The following KIF13A variants were observed in gnomAD, a reference collection of about 807,000 sequenced individuals.
KIF13A encodes kinesin family member 13A.
In KIF13A, 79 loss-of-function variants were observed where a neutral mutation model predicts 212.2. That is an observed-to-expected ratio of 0.37 (90% CI 0.31 to 0.45). KIF13A has a LOEUF of 0.45. Among genes scored for constraint, KIF13A ranks in the 20% least tolerant of loss-of-function variants. The probability of loss-of-function intolerance (pLI) is 1.00; values close to 1 mark genes in which losing one functional copy is unlikely to be tolerated. For missense variants in KIF13A, 1,901 were observed against 2,209.0 expected, an observed-to-expected ratio of 0.86 and a Z score of 2.79; for synonymous variants, 789 against 808.6, an observed-to-expected ratio of 0.98 and a Z score of 0.41.
At chr6:17,966,350 A>G (rs896510221) in intron 2 of KIF13A, among the ~76,000 whole-genome samples, 1 of 152,126 alleles carries the variant, frequency 6.6e-6, no homozygotes, top group Admixed American at 6.6e-5. Flanking sequence ...TACCCATGAG[A>G]ATACCCTAGT....
chr6:17,974,049 T>C (rs1780053093), intron 2 of KIF13A, among the ~76,000 whole-genome samples: 1 of 152,220 alleles, frequency 6.6e-6, no homozygotes, highest in African/African-American at 2.4e-5. Flanking sequence ...TAAATACATC[T>C]GTTTAGAGAG....
chr6:17,943,663 T>G (rs1777139221), intron 2 of KIF13A, among the ~76,000 whole-genome samples: 1 of 152,216 alleles, frequency 6.6e-6, no homozygotes, highest in South Asian at 2.1e-4. Context: ...TCACTTTCAC[T>G]GATTCTGTCT....
At chr6:17,869,377 G>A (rs1005343330) in intron 4 of KIF13A, among the ~76,000 whole-genome samples, 1 of 152,176 alleles carries the variant, frequency 6.6e-6, no homozygotes, top group African/African-American at 2.4e-5. Flanking sequence ...TTAAGGCAGT[G>A]CTTCCTCCTC....
intron 23 of KIF13A, among the ~76,000 whole-genome samples, chr6:17,795,596 CAAA>C (rs34962687): frequency 6.0e-5 from 8 of 132,260 alleles, no homozygotes; most frequent in Non-Finnish European, 7.9e-5. Context: ...GACTCCATCT[CAAA>C]AAAAAAAAAA....
chr6:17,779,114 AG>A lies in KIF13A; in HGVS notation c.3940-16del, dbSNP rs1760252134. 1.1e-5 allele frequency: 17 copies of A among 1,612,304 alleles called. No homozygotes were observed. The highest frequency in any genetic ancestry group is 1.4e-5 in the Non-Finnish European group (17 of 1,178,718). ...TCCTCAGTTGCCTACGAGGACAGGAAGGAAGTGACAATACTTTGATGTGAAC... is the reference window on the plus strand; with the variant it reads ...TCCTCAGTTGCCTACGAGGACAGGAAGAAGTGACAATACTTTGATGTGAAC... On this transcript the variant is annotated splice_polypyrimidine_tract_variant and intron_variant, in intron 32 of 38. Transcript: ENST00000259711.
At position 17,987,590 on chromosome 6, in the gene KIF13A, C is replaced by G. The variant is rs1290357876; in HGVS notation, c.-127G>C. The stretch of plus-strand genomic sequence containing the variant: ...GCCGCCGCCGCTCCGCCGTGAGCTC[C>G]GAGAGGCAGCGCCGAGGCGCGCGGG... On this transcript the variant is annotated 5_prime_UTR_variant, in exon 1 of 39. Transcript: ENST00000259711. This position sits in a 1 kb window ranked among gnomAD's most constrained non-coding sequence, Gnocchi z 7.7. 1.9e-5 allele frequency: 7 copies of G among 370,980 alleles called. No homozygotes were observed. Among genetic ancestry groups the G allele is most frequent in the Non-Finnish European group, 2.6e-5 (7 of 271,654 alleles). 23.0% of individuals were successfully genotyped at this position (370,980 alleles called of 1,614,324 possible). A position where few individuals can be genotyped will look rare whatever the true frequency, so the allele number is the denominator to read the frequency against.
chr6:17,925,947 T>G (rs886882215), intron 2 of KIF13A, among the ~76,000 whole-genome samples: 1 of 152,190 alleles, frequency 6.6e-6, no homozygotes, highest in Non-Finnish European at 1.5e-5. Context: ...CTACAATTAC[T>G]AAATATGTCA....
intron 3 of KIF13A, among the ~76,000 whole-genome samples, chr6:17,882,696 G>A (rs1034439558): frequency 6.6e-6 from 1 of 151,938 alleles, no homozygotes; most frequent in Non-Finnish European, 1.5e-5. Flanking sequence ...TGAGTAGCTG[G>A]GACTACAGCT....
In KIF13A at chr6:17,902,649, T is replaced by A. The variant is rs1359796335; in HGVS notation, c.147-4469A>T. On this transcript the variant is annotated intron_variant, in intron 2 of 38. Transcript: ENST00000259711. ...TTGAAGACACAGTTCAAGGCTCAGCTCTCTCAATTCCTCACCAGCCTTGAA... is the reference window on the plus strand; with the variant it reads ...TTGAAGACACAGTTCAAGGCTCAGCACTCTCAATTCCTCACCAGCCTTGAA... Among the ~76,000 whole-genome samples the A allele has an allele frequency of 7.9e-5, 12 of 152,240 alleles. No homozygotes were observed. The East Asian group carries it at 2.1e-3, about 27-fold the overall frequency.
Position 17,825,789 on chromosome 6 carries a change from T to G in KIF13A, c.1765A>C (p.Met589Leu), listed in dbSNP as rs1253178495. 1.2e-6 allele frequency: 2 copies of G among 1,613,796 alleles called. No homozygotes were observed. The highest frequency in any genetic ancestry group is 1.7e-6 in the Non-Finnish European group (2 of 1,179,836). The change falls in exon 16 of 39, where the codon ATG becomes CTG. Residue 589 changes from methionine (M) to leucine (L), a missense_variant. Met to Leu is a conservative substitution (Grantham distance 15). This residue lies in a region of KIF13A where 534 missense variants were observed against 536.9 expected (regional missense o/e 0.99). Transcript: ENST00000259711. This position sits in a 1 kb window ranked among gnomAD's most constrained non-coding sequence, Gnocchi z 4.5. ...TTACCATTACTATTCAGGGTTTTCA[T>G]GATAACTTCCATCTGTGCAAATTCA... is the stretch of plus-strand genomic sequence containing the variant. Reference protein sequence around the residue: ...NYEFAQMEVIMKTLNSNDPVQ... With the variant: ...NYEFAQMEVILKTLNSNDPVQ...
chr6:17,797,374 G>A (rs1043992544), intron 22 of KIF13A, among the ~76,000 whole-genome samples: 4 of 152,068 alleles, frequency 2.6e-5, no homozygotes, highest in African/African-American at 9.7e-5. Flanking sequence ...AAAGCAAATT[G>A]TCCAAAGTCA....
At chr6:17,793,423 AGT>A (rs1368518757) in intron 25 of KIF13A, among the ~76,000 whole-genome samples, 2 of 152,096 alleles carry the variant, frequency 1.3e-5, no homozygotes, top group African/African-American at 4.8e-5. Flanking sequence ...AGTACTGAAT[AGT>A]TCTGACTGAT....
chr6:17,893,832 C>CTTT (rs139288852), intron 3 of KIF13A, among the ~76,000 whole-genome samples: 458 of 77,324 alleles, frequency 5.9e-3, no homozygotes, highest in Non-Finnish European at 6.9e-3. Flanking sequence ...TTTCCTGCAT[C>CTTT]TTTTTTTTTT....
intron 2 of KIF13A, among the ~76,000 whole-genome samples, chr6:17,930,509 A>G (rs1165993322): frequency 6.6e-6 from 1 of 152,248 alleles, no homozygotes; most frequent in Non-Finnish European, 1.5e-5. Context: ...GAAAAACAGC[A>G]TTCAGAAGCT....
At chr6:17,793,534 C>G (rs77509584) in intron 25 of KIF13A, among the ~76,000 whole-genome samples, 2 of 151,822 alleles carry the variant, frequency 1.3e-5, no homozygotes, top group African/African-American at 4.8e-5. Context: ...CAAAAATGAT[C>G]ATAAGGACAA....
At chr6:17,874,732 T>G (rs891316015) in intron 3 of KIF13A, among the ~76,000 whole-genome samples, 3 of 152,040 alleles carry the variant, frequency 2.0e-5, no homozygotes, top group East Asian at 3.9e-4. Flanking sequence ...CAGTGTACAC[T>G]GCATCATATT....
rs1759969736 is a variant in KIF13A at position 17,776,246 on chromosome 6, T to C, written c.4170+1031A>G. On this transcript the variant is annotated intron_variant, in intron 34 of 38. Coordinates refer to ENST00000259711, the MANE Select transcript of KIF13A (RefSeq NM_022113.6). The surrounding 1 kb of genome is among the most constrained non-coding windows in gnomAD (Gnocchi z 4.6). ...TCTACTTTTTAATATAAGAGCTATA[T>C]ATTTCCTAATAGTAGCCCTCACTCT... is the stretch of plus-strand genomic sequence containing the variant. Among the ~76,000 whole-genome samples the C allele has an allele frequency of 6.6e-6, 1 of 152,180 alleles. No homozygotes were observed. The highest frequency in any genetic ancestry group is 1.5e-5 in the Non-Finnish European group (1 of 68,026).
In KIF13A at chr6:17,940,048, T is replaced by TTAAAA. The variant is rs374457757; in HGVS notation, c.147-41869_147-41868insTTTTA. On this transcript the variant is annotated intron_variant, in intron 2 of 38. Coordinates refer to ENST00000259711, the MANE Select transcript of KIF13A (RefSeq NM_022113.6). ...CAGAGCGAGACTCCGTCTCATAAATTAAAAAAAAAAAAAAAAAAGATAGTC... is the reference window on the plus strand; with the variant it reads ...CAGAGCGAGACTCCGTCTCATAAATTTAAAAAAAAAAAAAAAAAAAAAAGATAGTC... 1.2e-3 allele frequency among the ~76,000 whole-genome samples: 143 copies of TTAAAA among 121,866 alleles called. 2 individuals are homozygous for TTAAAA. Among genetic ancestry groups the TTAAAA allele is most frequent in the Non-Finnish European group, 1.6e-3 (96 of 60,658 alleles). The allele number at this position is 121,866 out of a possible 152,430, so 79.9% of individuals were successfully genotyped here.
Position 17,771,182 on chromosome 6 carries a change from T to C in KIF13A, c.4513A>G (p.Ile1505Val), listed in dbSNP as rs753791221. The change falls in exon 38 of 39, where the codon ATT (isoleucine) becomes GTT (valine). Residue 1505 changes from isoleucine to valine, a missense_variant. Physicochemically the swap from Ile to Val is conservative, Grantham distance 29. This residue lies in a region of KIF13A where 687 missense variants were observed against 759.1 expected (regional missense o/e 0.90). Transcript: ENST00000259711. The surrounding 1 kb of genome is among the most constrained non-coding windows in gnomAD (Gnocchi z 5.4). The part of the protein sequence containing the change: ...PPPQAHNPGC[I>V]VPSGSNGSSM... ...CTGCCATTGCTTCCTGAGGGTACAATGCAGCCAGGGTTATGTGCCTGAGGT... is the reference window on the plus strand; with the variant it reads ...CTGCCATTGCTTCCTGAGGGTACAACGCAGCCAGGGTTATGTGCCTGAGGT... The C allele has an allele frequency of 3.1e-6, 5 of 1,613,244 alleles. No individual in the cohort carries two copies. In the Admixed American group the frequency reaches 5.0e-5, roughly 16 times the overall value.
Sources: gnomAD v4.1 joint callset for allele counts (sites outside exome capture counted in the v4.1 genomes callset) on GRCh38, gnomAD v4.1.1 for gene constraint, gnomAD v4.1.1 regional missense constraint, Gnocchi (gnomAD v3.1) non-coding constraint, MANE v1.5 for transcripts, NCBI Gene and HGNC (gene_info 2026-07-23, HGNC 2026-07-21) for gene names.